The following TRMT112 variants were observed in gnomAD, a reference collection of about 807,000 sequenced individuals.
TRMT112 encodes multifunctional methyltransferase subunit TRM112-like protein.
In TRMT112, 9 loss-of-function variants were observed where a neutral mutation model predicts 13.8. The ratio of observed to expected loss-of-function variants is 0.65; its 90% CI spans 0.39 to 1.14. The LOEUF (loss-of-function observed/expected upper bound fraction) is 1.14, where lower values mean the gene tolerates loss of function less well. TRMT112 is among the 50% of genes most tolerant of loss of function. TRMT112 has a pLI of 0.01. For synonymous variants in TRMT112, 64 were observed against 67.0 expected, an observed-to-expected ratio of 0.96 and a Z score of 0.22; for missense variants, 196 against 165.5, an observed-to-expected ratio of 1.18 and a Z score of -1.01.
At chr11:64,318,014 A>G (rs1306878838), upstream of TRMT112, 2 of 1,411,540 alleles carry the variant, frequency 1.4e-6, no homozygotes, top group East Asian at 5.4e-5. Flanking sequence ...CCCCATTTGT[A>G]GTTGCGTCGG....
chr11:64,318,464 G>C (rs1453100227), upstream of TRMT112: 2 of 1,509,532 alleles, frequency 1.3e-6, no homozygotes, highest in South Asian at 2.4e-5. Flanking sequence ...TGAGAGTATC[G>C]CTTTATTTCC....
At position 64,317,291 on chromosome 11, in the gene TRMT112, C is replaced by T. The variant is rs373995525; in HGVS notation, c.153G>A (p.Trp51Ter). 1 of 1,612,554 alleles carries T rather than the reference C, an allele frequency of 6.2e-7. No homozygotes were observed. Among genetic ancestry groups the T allele is most frequent in the Non-Finnish European group, 8.5e-7 (1 of 1,178,674 alleles). Reference protein sequence around the residue: ...FVARMIPKVEWSAFLEAADNL... With the variant: ...FVARMIPKVE The stretch of plus-strand genomic sequence containing the variant: ...TATCGGCCGCCTCCAGGAACGCCGA[C>T]CACTCCACTTTAGGTATCATACGCG... The change falls in exon 2 of 4, where the codon TGG becomes TGA. Residue 51 changes from tryptophan to a stop codon, truncating the protein, a stop_gained. Transcript: ENST00000544844. LOFTEE classifies it high-confidence loss of function.
Position 64,317,099 on chromosome 11 carries a change from T to C in TRMT112, c.229A>G (p.Asn77Asp). The C allele has an allele frequency of 6.2e-7, 1 of 1,613,926 alleles. No homozygotes were observed. The highest frequency in any genetic ancestry group is 1.1e-5 in the South Asian group (1 of 91,064). The change falls in exon 3 of 4, where the codon AAT (asparagine) becomes GAT (aspartate). Residue 77 changes from asparagine (N) to aspartate (D), a missense_variant. Physicochemically the swap from Asn to Asp is conservative, Grantham distance 23. Coordinates refer to ENST00000544844, the MANE Select transcript of TRMT112 (RefSeq NM_016404.3). ...TGCATGGTCCTCAGAAACTCCTCAT[T>C]CTCCTCATATCCCTCAACCGGCCCT... The part of the protein sequence containing the change: ...PKGPVEGYEE[N>D]EEFLRTMHHL...
Position 64,316,518 on chromosome 11 carries a change from A to T in TRMT112, c.*343T>A, listed in dbSNP as rs1307626489. The T allele has an allele frequency of 1.3e-5, 3 of 237,934 alleles. No individual in the cohort carries two copies. Among genetic ancestry groups the T allele is most frequent in the Non-Finnish European group, 2.5e-5 (3 of 118,788 alleles). 14.7% of individuals were successfully genotyped at this position (237,934 alleles called of 1,614,324 possible). On this transcript the variant is annotated 3_prime_UTR_variant, in exon 4 of 4. Coordinates refer to ENST00000544844, the MANE Select transcript of TRMT112 (RefSeq NM_016404.3). ...AGGGCTTCCCCATCAGCTCCCAACG[A>T]GCCTCCTCAGGGGGTAGGAGAGCAC...
chr11:64,318,370 C>T (rs2035376453), upstream of TRMT112: 1 of 1,608,484 alleles, frequency 6.2e-7, no homozygotes, highest in African/African-American at 1.3e-5. Context: ...GCCGCTGCAG[C>T]CATGGCCCCA....
chr11:64,318,157 C>T, upstream of TRMT112: 5 of 1,601,832 alleles, frequency 3.1e-6, no homozygotes, highest in South Asian at 1.1e-5. Context: ...GCTAGCGGTG[C>T]CCCGCCTGCT....
intron 2 of TRMT112, 33 bp from the exon 3 acceptor site, chr11:64,317,180 A>T (rs772547785): frequency 6.2e-7 from 1 of 1,612,500 alleles, no homozygotes. Context: ...ATCTCCGGGC[A>T]TCCCGAACTC....
chr11:64,317,189 TCCCGCCTCAG>T, intron 2 of TRMT112, 42 bp from the exon 3 acceptor site: 1 of 1,611,586 alleles, frequency 6.2e-7, no homozygotes, highest in Non-Finnish European at 8.5e-7. Flanking sequence ...CATCCCGAAC[TCCCGCCTCAG>T]CCCGGCTGAG....
At chr11:64,317,718 G>T, upstream of TRMT112, 1 of 755,612 alleles carries the variant, frequency 1.3e-6, no homozygotes, top group Admixed American at 3.2e-5. Context: ...CGCCGCTACC[G>T]GAAGCGTCTC....
Position 64,317,110 on chromosome 11 carries a change from C to T in TRMT112, c.218G>A (p.Gly73Glu), listed in dbSNP as rs1428545017. 1 of 1,614,166 alleles carries T rather than the reference C, an allele frequency of 6.2e-7. No homozygotes were observed. Among genetic ancestry groups the T allele is most frequent in the South Asian group, 1.1e-5 (1 of 91,084 alleles). The change falls in exon 3 of 4, where the codon GGA becomes GAA. Residue 73 changes from glycine to glutamate, a missense_variant. Physicochemically the swap from Gly to Glu is moderately conservative, Grantham distance 98. Transcript: ENST00000544844. ...LIQVPKGPVEGYEENEEFLRT... is the reference protein window; with the variant it reads ...LIQVPKGPVEEYEENEEFLRT... ...CAGAAACTCCTCATTCTCCTCATAT[C>T]CCTCAACCGGCCCTTTCGGCACCTG...
chr11:64,318,581 TC>T (rs1320482859), upstream of TRMT112, among the ~76,000 whole-genome samples: 3 of 151,910 alleles, frequency 2.0e-5, no homozygotes, highest in African/African-American at 7.3e-5. Flanking sequence ...CCCGGGACAG[TC>T]CCGAGGCATT....
upstream of TRMT112, chr11:64,318,494 C>T (rs900648096): frequency 2.9e-6 from 4 of 1,397,388 alleles, no homozygotes; most frequent in Admixed American, 4.8e-5. Flanking sequence ...GACCCCTCCC[C>T]TCCGCCCGCC....
At chr11:64,318,129 G>A (rs1179944782), upstream of TRMT112, 3 of 1,559,634 alleles carry the variant, frequency 1.9e-6, no homozygotes, top group Non-Finnish European at 2.6e-6. Flanking sequence ...GCCTTCCGCA[G>A]GGTGTCGCCG....
At chr11:64,318,069 T>C, upstream of TRMT112, 2 of 1,444,218 alleles carry the variant, frequency 1.4e-6, no homozygotes, top group Non-Finnish European at 1.8e-6. Flanking sequence ...CCGGAAGCTC[T>C]GTTCTGCGGG....
In TRMT112 at chr11:64,317,289, G is replaced by A. The variant is rs1349831461; in HGVS notation, c.155C>T (p.Ser52Leu). 4 of 1,612,216 alleles carry A rather than the reference G, an allele frequency of 2.5e-6. No homozygotes were observed. The highest frequency in any genetic ancestry group is 4.5e-5 in the East Asian group (2 of 44,822). Reference sequence around the variant, plus strand: ...GTTATCGGCCGCCTCCAGGAACGCCGACCACTCCACTTTAGGTATCATACG... The same window carrying A: ...GTTATCGGCCGCCTCCAGGAACGCCAACCACTCCACTTTAGGTATCATACG... ...VARMIPKVEW[S>L]AFLEAADNLR... Residue 52 changes from serine to leucine, a missense_variant, in exon 2 of 4, where the codon TCG becomes TTG. Physicochemically the swap from Ser to Leu is moderately radical, Grantham distance 145 (BLOSUM62 -2). Coordinates refer to ENST00000544844, the MANE Select transcript of TRMT112 (RefSeq NM_016404.3).
At chr11:64,317,220 C>G (rs1183933999) in intron 2 of TRMT112, 44 bp downstream of exon 2, 2 of 1,608,692 alleles carry the variant, frequency 1.2e-6, no homozygotes, top group South Asian at 2.2e-5. Context: ...GTGTGCCCGC[C>G]CCGCATTCCC....
chr11:64,317,064 C>T lies in TRMT112; in HGVS notation c.264G>A (p.Leu88=). The change falls in exon 3 of 4, where the codon CTG becomes CTA. Residue 88 remains leucine, a synonymous_variant. Coordinates refer to ENST00000544844, the MANE Select transcript of TRMT112 (RefSeq NM_016404.3). ...EEFLRTMHHL[L]LEVEVIEGTL... is the part of the protein sequence containing the mutation. Reference sequence around the variant, plus strand: ...GTGATGGGCCGCTTCTCACCTCCAGCAGCAGGTGGTGCATGGTCCTCAGAA... The same window carrying T: ...GTGATGGGCCGCTTCTCACCTCCAGTAGCAGGTGGTGCATGGTCCTCAGAA... The T allele has an allele frequency of 1.2e-6, 2 of 1,614,198 alleles. No homozygotes were observed. Among genetic ancestry groups the T allele is most frequent in the Non-Finnish European group, 1.7e-6 (2 of 1,180,030 alleles).
upstream of TRMT112, chr11:64,317,957 A>C: frequency 7.9e-6 from 11 of 1,386,736 alleles, no homozygotes; most frequent in Non-Finnish European, 9.3e-6. Flanking sequence ...GCCGAGCCGC[A>C]CCTCATTCCT....
At chr11:64,317,560 GA>G (rs35573459), upstream of TRMT112, 12 of 1,505,592 alleles carry the variant, frequency 8.0e-6, no homozygotes, top group Admixed American at 8.6e-5. Context: ...GCCGGAACCG[GA>G]AAAAGGTCGT....
Sources: gnomAD v4.1 joint callset for allele counts (sites outside exome capture counted in the v4.1 genomes callset) on GRCh38, gnomAD v4.1.1 for gene constraint, MANE v1.5 for transcripts, NCBI Gene and HGNC (gene_info 2026-07-23, HGNC 2026-07-21) for gene names.